Variants in ASTN1 observed in about 807,000 individuals in gnomAD.
ASTN1 encodes astrotactin 1.
In ASTN1, 41 loss-of-function variants were observed where a neutral mutation model predicts 140.7. The ratio of observed to expected loss-of-function variants is 0.29; its 90% CI spans 0.23 to 0.38. The LOEUF (loss-of-function observed/expected upper bound fraction) is 0.38. Among genes scored for constraint, ASTN1 ranks in the 10% least tolerant of loss-of-function variants. ASTN1 has a pLI of 1.00. For synonymous variants in ASTN1, 640 were observed against 652.2 expected (o/e 0.98, Z 0.29); for missense variants, 1,479 against 1,678.8 (o/e 0.88, Z 2.08).
chr1:176,985,684 T>G (rs1224728306), intron 8 of ASTN1, among the ~76,000 whole-genome samples: 1 of 152,146 alleles, frequency 6.6e-6, no homozygotes, highest in South Asian at 2.1e-4. Context: ...CAGTCCCAGA[T>G]GCTAAAAGCC....
chr1:177,102,385 A>G (rs1680342346), intron 1 of ASTN1, among the ~76,000 whole-genome samples: 1 of 152,132 alleles, frequency 6.6e-6, no homozygotes, highest in Non-Finnish European at 1.5e-5. Context: ...GTAAGGAAAG[A>G]AGAATTCAAA....
chr1:176,873,112 G>A (rs533231889), intron 21 of ASTN1, among the ~76,000 whole-genome samples: 1 of 152,276 alleles, frequency 6.6e-6, no homozygotes, highest in South Asian at 2.1e-4. Flanking sequence ...GATTCTAATT[G>A]CTTTTGTGTG....
intron 8 of ASTN1, among the ~76,000 whole-genome samples, chr1:177,002,368 TACACACAAACAC>T (rs1441419643): frequency 1.1e-5 from 1 of 94,168 alleles, no homozygotes; most frequent in African/African-American, 4.4e-5. Flanking sequence ...AAATGTGCCT[TACACACAAACAC>T]ACACACACAC....
chr1:176,880,392 TTATC>T (rs111305016), intron 20 of ASTN1, among the ~76,000 whole-genome samples: 55 of 152,276 alleles, frequency 3.6e-4, no homozygotes, highest in African/African-American at 1.2e-3. Context: ...TTTTTCTGAA[TTATC>T]TGTCTGCTGT....
At chr1:176,891,623 A>G (rs1421774278) in intron 17 of ASTN1, among the ~76,000 whole-genome samples, 2 of 152,078 alleles carry the variant, frequency 1.3e-5, no homozygotes, top group South Asian at 4.1e-4. Context: ...GAGAAACCCC[A>G]TCTCTACCAA....
Position 176,943,962 on chromosome 1 carries a change from GCCA to G in ASTN1, c.2303_2305del (p.Val768del). 1 of 1,614,092 alleles carries G rather than the reference GCCA, an allele frequency of 6.2e-7. No individual in the cohort carries two copies. ...GCATTGATTCTCCAGGGGCACAGTGGCCACCACAAGACCATCTGGCAGTTGCTG... is the reference window on the plus strand; with the variant it reads ...GCATTGATTCTCCAGGGGCACAGTGGCCACAAGACCATCTGGCAGTTGCTG... On this transcript the variant is annotated inframe_deletion, in exon 14 of 23. Transcript: ENST00000361833.
intron 20 of ASTN1, among the ~76,000 whole-genome samples, chr1:176,878,029 G>A (rs1308870223): frequency 1.3e-5 from 2 of 152,184 alleles, no homozygotes; most frequent in Non-Finnish European, 2.9e-5. Flanking sequence ...GTCAGTGTGA[G>A]AGCCTGTGTG....
At chr1:177,097,679 T>C (rs539588783) in intron 1 of ASTN1, among the ~76,000 whole-genome samples, 1 of 152,228 alleles carries the variant, frequency 6.6e-6, no homozygotes, top group African/African-American at 2.4e-5. Flanking sequence ...TTTATGCTAA[T>C]GAGATAAATG....
At position 177,009,743 on chromosome 1, in the gene ASTN1, A is replaced by G. The variant is rs147674062; in HGVS notation, c.1523+5048T>C. Among the ~76,000 whole-genome samples the G allele has an allele frequency of 5.8e-4, 89 of 152,320 alleles. 1 individual carries two copies. In the East Asian group the frequency reaches 0.017, roughly 29 times the overall value. On this transcript the variant is annotated intron_variant, in intron 8 of 22. Coordinates refer to ENST00000361833, the MANE Select transcript of ASTN1 (RefSeq NM_004319.3). ...GGCAGTGTAAGGAAGAAGTACTCTG[A>G]TGGGCAGGACCATTCCTGACAACAG...
At chr1:176,916,921 C>G (rs1447697452) in intron 16 of ASTN1, among the ~76,000 whole-genome samples, 1 of 152,166 alleles carries the variant, frequency 6.6e-6, no homozygotes, top group African/African-American at 2.4e-5. Flanking sequence ...CAACCAGCCT[C>G]TCTCCAGCCT....
chr1:177,075,260 G>A (rs1426983326), intron 1 of ASTN1, among the ~76,000 whole-genome samples: 1 of 152,028 alleles, frequency 6.6e-6, no homozygotes, highest in South Asian at 2.1e-4. Flanking sequence ...TTTTAGTAGA[G>A]ATGGGGTTTC....
intron 21 of ASTN1, among the ~76,000 whole-genome samples, chr1:176,870,288 C>A (rs139554078): frequency 3.3e-5 from 5 of 152,250 alleles, no homozygotes; most frequent in African/African-American, 1.2e-4. Flanking sequence ...TAAGCCACAA[C>A]TTGGCCAGTG....
intron 16 of ASTN1, among the ~76,000 whole-genome samples, chr1:176,928,526 C>G (rs1026725393): frequency 6.6e-6 from 1 of 152,062 alleles, no homozygotes; most frequent in Admixed American, 6.6e-5. Context: ...AGCAGAGAAC[C>G]CTGTCTGAGT....
chr1:177,014,210 A>G (rs1675431610), intron 8 of ASTN1, among the ~76,000 whole-genome samples: 1 of 152,262 alleles, frequency 6.6e-6, no homozygotes, highest in Non-Finnish European at 1.5e-5. Flanking sequence ...AAAAATAAAA[A>G]CAAAAAAGGA....
chr1:176,985,002 C>A (rs971937648), intron 8 of ASTN1, among the ~76,000 whole-genome samples: 1 of 152,178 alleles, frequency 6.6e-6, no homozygotes, highest in Admixed American at 6.5e-5. Context: ...TCCCTCCCCA[C>A]AGGACTCAAG....
At chr1:177,000,314 G>A (rs1674666942) in intron 8 of ASTN1, among the ~76,000 whole-genome samples, 1 of 152,108 alleles carries the variant, frequency 6.6e-6, no homozygotes, top group Admixed American at 6.5e-5. Flanking sequence ...GAAGAAACAG[G>A]CATGCCATAT....
chr1:177,044,121 C>T (rs902898259), intron 2 of ASTN1, among the ~76,000 whole-genome samples: 2 of 151,548 alleles, frequency 1.3e-5, no homozygotes, highest in Non-Finnish European at 2.9e-5. Context: ...GGCAAAGCTA[C>T]TGTACAAGTC....
intron 16 of ASTN1, among the ~76,000 whole-genome samples, chr1:176,907,017 A>G (rs1411114130): frequency 6.6e-6 from 1 of 152,198 alleles, no homozygotes; most frequent in East Asian, 1.9e-4. Flanking sequence ...ATGTAGAAGC[A>G]TTCATATAGA....
chr1:176,918,496 T>C (rs990232954), intron 16 of ASTN1, among the ~76,000 whole-genome samples: 2 of 152,170 alleles, frequency 1.3e-5, no homozygotes, highest in African/African-American at 4.8e-5. Flanking sequence ...GAAATTATTA[T>C]AGTAACTGGC....
Sources: gnomAD v4.1 joint callset for allele counts (sites outside exome capture counted in the v4.1 genomes callset) on GRCh38, gnomAD v4.1.1 for gene constraint, MANE v1.5 for transcripts, NCBI Gene and HGNC (gene_info 2026-07-23, HGNC 2026-07-21) for gene names.